The following ABCA3 variants were observed in gnomAD, a reference collection of about 807,000 sequenced individuals.
ABCA3 encodes phospholipid-transporting ATPase ABCA3.
A neutral mutation model predicts 172.8 loss-of-function variants in ABCA3; 88 were observed. The observed-to-expected ratio is 0.51, with a 90% confidence interval of 0.43 to 0.61. ABCA3 has a LOEUF of 0.61. Ranked by LOEUF, ABCA3 falls within the 20% of genes least tolerant of loss-of-function variation. The pLI, the probability that ABCA3 is intolerant of heterozygous loss-of-function variation, is 0.00. For synonymous variants in ABCA3, 1,066 were observed against 983.8 expected (o/e 1.08, Z -1.56); for missense variants, 2,164 against 2,301.0 (o/e 0.94, Z 1.22).
At chr16:2,325,255 G>A (rs1296390523) in intron 5 of ABCA3, among the ~76,000 whole-genome samples, 2 of 152,142 alleles carry the variant, frequency 1.3e-5, no homozygotes, top group Non-Finnish European at 2.9e-5. Context: ...TCACAGAAGG[G>A]CTTTCCCTGG....
At position 2,297,498 on chromosome 16, in the gene ABCA3, G is replaced by C; in HGVS notation, c.2094C>G (p.Ile698Met). 6.2e-7 allele frequency: 1 copy of C among 1,613,460 alleles called. No homozygotes were observed. The highest frequency in any genetic ancestry group is 8.5e-7 in the Non-Finnish European group (1 of 1,180,016). Residue 698 changes from isoleucine to methionine, a missense_variant, in exon 17 of 33, where the codon ATC (isoleucine) becomes ATG (methionine). Ile to Met is a conservative substitution (Grantham distance 10). Around this residue, in one of 3 missense-constraint regions of ABCA3, gnomAD observed 1,343 missense variants for 1,369.6 expected, o/e 0.98. Transcript: ENST00000301732. This position sits in a 1 kb window ranked among gnomAD's most constrained non-coding sequence, Gnocchi z 5.6. Reference protein sequence around the residue: ...LDEPTSGMDAISRRAIWDLLQ... With the variant: ...LDEPTSGMDAMSRRAIWDLLQ... ...GAAGATCCCAGATGGCCCTCCTGGA[G>C]ATGGCGTCCATGCCCGAGGTGGGCT...
At chr16:2,333,183 G>A (rs971426246) in intron 1 of ABCA3, among the ~76,000 whole-genome samples, 3 of 152,140 alleles carry the variant, frequency 2.0e-5, no homozygotes, top group Admixed American at 1.3e-4. Context: ...GGTGGGTCTT[G>A]AGACCCATGA....
intron 13 of ABCA3, among the ~76,000 whole-genome samples, 194 bp from the exon 14 acceptor site, chr16:2,299,726 G>A (rs1461669324): frequency 3.3e-5 from 5 of 152,186 alleles, no homozygotes; most frequent in East Asian, 1.9e-4. Context: ...GCCCCAACAC[G>A]TCCCAGACAC....
chr16:2,312,782 T>TCGGC (rs1293145519), intron 10 of ABCA3, among the ~76,000 whole-genome samples: 1 of 151,426 alleles, frequency 6.6e-6, no homozygotes, highest in African/African-American at 2.4e-5. Flanking sequence ...TCTGCCCGCC[T>TCGGC]CGGCCTCCCA....
At chr16:2,292,362 C>T (rs182594517) in intron 18 of ABCA3, 124 bp from the exon 19 acceptor site, 42 of 760,724 alleles carry the variant, frequency 5.5e-5, no homozygotes, top group Middle Eastern at 2.4e-4. Context: ...CACTTTGGGA[C>T]GCCAAGGCGG....
Position 2,283,074 on chromosome 16 carries a change from G to A in ABCA3, c.4035+112C>T. On this transcript the variant is annotated intron_variant, in intron 26 of 32. Coordinates refer to ENST00000301732, the MANE Select transcript of ABCA3 (RefSeq NM_001089.3). The surrounding 1 kb of genome is among the most constrained non-coding windows in gnomAD (Gnocchi z 5.4). ...AGGCCGTACAGTGGGAGACCATCTG[G>A]TGCAGGAGCTGCCTGGTGGAGAAGG... 1 of 1,240,248 alleles carries A rather than the reference G, an allele frequency of 8.1e-7. No individual in the cohort carries two copies. The highest frequency in any genetic ancestry group is 1.1e-6 in the Non-Finnish European group (1 of 873,212). The allele number at this position is 1,240,248 out of a possible 1,614,324, so 76.8% of individuals were successfully genotyped here.
chr16:2,323,949 A>G (rs2093730186), intron 6 of ABCA3, among the ~76,000 whole-genome samples: 1 of 152,184 alleles, frequency 6.6e-6, no homozygotes. Context: ...CCGAGTGTTC[A>G]GGATCCCTGG....
chr16:2,322,995 G>A (rs1210686513), intron 7 of ABCA3, among the ~76,000 whole-genome samples: 1 of 152,086 alleles, frequency 6.6e-6, no homozygotes, highest in Non-Finnish European at 1.5e-5. Flanking sequence ...GTGGGCAAAG[G>A]ATATGAACAA....
At chr16:2,322,476 C>T (rs1236082307) in intron 7 of ABCA3, among the ~76,000 whole-genome samples, 1 of 150,124 alleles carries the variant, frequency 6.7e-6, no homozygotes, top group Admixed American at 6.7e-5. Flanking sequence ...TGTGCTGCAC[C>T]CATTTACTCG....
chr16:2,309,684 C>G (rs1005801359), intron 10 of ABCA3, among the ~76,000 whole-genome samples: 6 of 152,178 alleles, frequency 3.9e-5, no homozygotes, highest in Non-Finnish European at 8.8e-5. Context: ...GTGGTGCCAT[C>G]ATGGCTCACT....
chr16:2,303,533 G>T (rs1405121003), intron 12 of ABCA3, among the ~76,000 whole-genome samples: 2 of 152,074 alleles, frequency 1.3e-5, no homozygotes, highest in Non-Finnish European at 2.9e-5. Flanking sequence ...GCCTCCCAAA[G>T]AGCTGGGATT....
At position 2,278,130 on chromosome 16, in the gene ABCA3, A is replaced by G; in HGVS notation, c.4719-61T>C. On this transcript the variant is annotated intron_variant, in intron 30 of 32. Coordinates refer to ENST00000301732, the MANE Select transcript of ABCA3 (RefSeq NM_001089.3). This position sits in a 1 kb window ranked among gnomAD's most constrained non-coding sequence, Gnocchi z 4.4. ...GTGCCAAAGGCTTGTGCAGACAGGAAGGCATTGGCTCTCCGATCAGGCTGT... is the reference window on the plus strand; with the variant it reads ...GTGCCAAAGGCTTGTGCAGACAGGAGGGCATTGGCTCTCCGATCAGGCTGT... The G allele has an allele frequency of 6.2e-7, 1 of 1,608,270 alleles. No homozygotes were observed. Among genetic ancestry groups the G allele is most frequent in the East Asian group, 2.2e-5 (1 of 44,798 alleles).
chr16:2,289,399 TC>T (rs1301735807), intron 20 of ABCA3, 34 bp downstream of exon 20: 26 of 1,544,230 alleles, frequency 1.7e-5, no homozygotes, highest in Non-Finnish European at 2.3e-5. Flanking sequence ...TGCTCGCCCT[TC>T]CCCCGCCACC....
chr16:2,298,050 C>T lies in ABCA3; in HGVS notation c.1897-129G>A, dbSNP rs563372226. On this transcript the variant is annotated intron_variant, in intron 15 of 32. Transcript: ENST00000301732. Reference sequence around the variant, plus strand: ...AGATGCAGGGCTCCTGGCGGGAGGCCGACCACGGCCAGCAAGGTTCTGGTG... The same window carrying T: ...AGATGCAGGGCTCCTGGCGGGAGGCTGACCACGGCCAGCAAGGTTCTGGTG... 93 of 789,128 alleles carry T rather than the reference C, an allele frequency of 1.2e-4. 6 individuals carry two copies. In the African/African-American group the frequency reaches 1.3e-3, roughly 11 times the overall value. 48.9% of individuals were successfully genotyped at this position (789,128 alleles called of 1,614,324 possible). A position where few individuals can be genotyped will look rare whatever the true frequency, so the allele number is the denominator to read the frequency against.
chr16:2,300,632 T>C (rs1248629528), intron 12 of ABCA3, among the ~76,000 whole-genome samples: 2 of 152,216 alleles, frequency 1.3e-5, no homozygotes, highest in African/African-American at 4.8e-5. Flanking sequence ...CCATCTTCTC[T>C]GTGGCCATCA....
intron 6 of ABCA3, 99 bp downstream of exon 6, chr16:2,324,305 A>C: frequency 6.7e-7 from 1 of 1,493,468 alleles, no homozygotes; most frequent in Non-Finnish European, 9.0e-7. Context: ...CAGAGGTTTA[A>C]GGGAAAGCAG....
rs2093661759 is a variant in ABCA3 at position 2,285,577 on chromosome 16, G to A, written c.3348C>T (p.Ser1116=). ...FAMAFLASTF[S]ILAVSERAVQ... is the part of the protein sequence containing the mutation. ...CGGCCCTCTCGCTGACCGCCAGGAT[G>A]GAGAACGTGCTGGCCAAGAATGCCA... The change falls in exon 23 of 33, where the codon TCC becomes TCT. Residue 1116 remains serine (S), a synonymous_variant. Transcript: ENST00000301732. The surrounding 1 kb of genome is among the most constrained non-coding windows in gnomAD (Gnocchi z 4.7). 1 of 1,570,402 alleles carries A rather than the reference G, an allele frequency of 6.4e-7. No individual in the cohort carries two copies. The highest frequency in any genetic ancestry group is 8.6e-7 in the Non-Finnish European group (1 of 1,157,288).
intron 20 of ABCA3, 23 bp downstream of exon 20, chr16:2,289,411 C>T (rs150824854): frequency 8.1e-4 from 1,266 of 1,561,810 alleles, no homozygotes; most frequent in Middle Eastern, 2.4e-3. Context: ...CCCCGCCACC[C>T]GCCCACCCAC....
chr16:2,289,057 G>C, intron 20 of ABCA3: 1 of 244,898 alleles, frequency 4.1e-6, no homozygotes, highest in Middle Eastern at 1.4e-3. Flanking sequence ...CCAGGGATCA[G>C]AATGAGCTCT....
Sources: gnomAD v4.1 joint callset for allele counts (sites outside exome capture counted in the v4.1 genomes callset) on GRCh38, gnomAD v4.1.1 for gene constraint, gnomAD v4.1.1 regional missense constraint, Gnocchi (gnomAD v3.1) non-coding constraint, MANE v1.5 for transcripts, NCBI Gene and HGNC (gene_info 2026-07-23, HGNC 2026-07-21) for gene names.